COX10: variants seen among roughly 807,000 people sequenced by gnomAD.
COX10 encodes protoheme IX farnesyltransferase, mitochondrial.
COX10 carries 27 observed loss-of-function variants against 37.3 expected under a neutral mutation model. That is an observed-to-expected ratio of 0.72 (90% CI 0.53 to 1.00). The LOEUF (loss-of-function observed/expected upper bound fraction) is 1.00, where lower values mean the gene tolerates loss of function less well. COX10 is among the 50% of genes least tolerant of loss of function. The pLI, the probability that COX10 is intolerant of heterozygous loss-of-function variation, is 0.00. For missense variants in COX10, 475 were observed against 563.2 expected (o/e 0.84, Z 1.59); for synonymous variants, 222 against 229.1 (o/e 0.97, Z 0.28).
At chr17:14,121,304 GATA>G (rs893297903) in intron 4 of COX10, among the ~76,000 whole-genome samples, 1 of 152,144 alleles carries the variant, frequency 6.6e-6, no homozygotes, top group African/African-American at 2.4e-5. Flanking sequence ...GCAAGGAAAA[GATA>G]ATAATAAATT....
chr17:14,069,532 A>G lies in COX10; in HGVS notation c.-74A>G. 1.4e-5 allele frequency: 22 copies of G among 1,578,664 alleles called. No homozygotes were observed. The highest frequency in any genetic ancestry group is 1.8e-5 in the Non-Finnish European group (21 of 1,151,752). On this transcript the variant is annotated 5_prime_UTR_variant, in exon 1 of 7. Coordinates refer to ENST00000261643, the MANE Select transcript of COX10 (RefSeq NM_001303.4). ...ACTCCCACAGGGGGGCGGGGAAGGA[A>G]GATGGCGGCGCCCAGCGTCCCGTGA...
intron 5 of COX10, 67 bp from the exon 6 acceptor site, chr17:14,191,922 C>T (rs1906212519): frequency 6.4e-7 from 1 of 1,558,758 alleles, no homozygotes; most frequent in Non-Finnish European, 8.8e-7. Flanking sequence ...TTGTCAGTGC[C>T]GATTTTAGGT....
In COX10 at chr17:14,172,931, G is replaced by T. The variant is rs1788922808; in HGVS notation, c.695+12984G>T. 2.6e-5 allele frequency among the ~76,000 whole-genome samples: 4 copies of T among 152,056 alleles called. No homozygotes were observed. In the South Asian group the frequency reaches 8.3e-4, roughly 32 times the overall value. ...TGGTCTCAAACTCCTGGCCTCAAGT[G>T]ATCTTTCTGTCTTGGCCTCCCAAAG... On this transcript the variant is annotated intron_variant, in intron 5 of 6. Coordinates refer to ENST00000261643, the MANE Select transcript of COX10 (RefSeq NM_001303.4).
chr17:14,188,298 A>ATT (rs1906101135), intron 5 of COX10, among the ~76,000 whole-genome samples: 1 of 150,900 alleles, frequency 6.6e-6, no homozygotes, highest in African/African-American at 2.4e-5. Flanking sequence ...CTTTTTAGCC[A>ATT]TCTAAAGTTT....
chr17:14,108,069 C>G (rs1679030720), intron 4 of COX10, among the ~76,000 whole-genome samples: 1 of 152,130 alleles, frequency 6.6e-6, no homozygotes, highest in African/African-American at 2.4e-5. Context: ...ATATCTCTTT[C>G]CTAGAGAACT....
At chr17:14,161,167 A>G (rs987049481) in intron 5 of COX10, among the ~76,000 whole-genome samples, 1 of 152,142 alleles carries the variant, frequency 6.6e-6, no homozygotes, top group Non-Finnish European at 1.5e-5. Context: ...TGGAAGCACA[A>G]CCTGTTAGTA....
chr17:14,181,167 G>A (rs3020873), intron 5 of COX10, among the ~76,000 whole-genome samples: 1 of 152,214 alleles, frequency 6.6e-6, no homozygotes, highest in African/African-American at 2.4e-5. Flanking sequence ...GTAAGAGATG[G>A]CCATACAAAA....
chr17:14,141,733 A>T (rs981757255), intron 4 of COX10, among the ~76,000 whole-genome samples: 1 of 152,054 alleles, frequency 6.6e-6, no homozygotes, highest in East Asian at 1.9e-4. Context: ...TGCAGATTTC[A>T]TTATATTTAA....
intron 6 of COX10, among the ~76,000 whole-genome samples, chr17:14,199,830 A>G (rs1437685350): frequency 6.6e-6 from 1 of 152,166 alleles, no homozygotes; most frequent in Non-Finnish European, 1.5e-5. Flanking sequence ...TTGCCCCTCA[A>G]AAGAAAGGCT....
chr17:14,142,146 T>C lies in COX10; in HGVS notation c.625-17731T>C, dbSNP rs375766467. ...TGCCCTCCCACTAGCCAGAAACTAG[T>C]ATTCAAGACTCAAATCTAGTTAGTA... On this transcript the variant is annotated intron_variant, in intron 4 of 6. Coordinates refer to ENST00000261643, the MANE Select transcript of COX10 (RefSeq NM_001303.4). 5.3e-5 allele frequency among the ~76,000 whole-genome samples: 8 copies of C among 152,324 alleles called. No homozygotes were observed. The South Asian group carries it at 1.7e-3, about 32-fold the overall frequency.
At chr17:14,127,982 A>G (rs916033072) in intron 4 of COX10, among the ~76,000 whole-genome samples, 1 of 150,390 alleles carries the variant, frequency 6.6e-6, no homozygotes, top group African/African-American at 2.4e-5. Flanking sequence ...AAATTACAGC[A>G]TTGAACTTAG....
intron 1 of COX10, 79 bp downstream of exon 1, chr17:14,069,727 C>A (rs1914967860): frequency 6.3e-7 from 1 of 1,584,342 alleles, no homozygotes; most frequent in Admixed American, 1.7e-5. Flanking sequence ...TTCCGGCTGG[C>A]TGCAACCTTG....
intron 6 of COX10, among the ~76,000 whole-genome samples, chr17:14,204,856 C>CT (rs1348639081): frequency 1.3e-5 from 2 of 152,196 alleles, no homozygotes; most frequent in Admixed American, 1.3e-4. Context: ...AATCTCTGTA[C>CT]TTTGAGAGGC....
chr17:14,099,055 G>A (rs947614045), intron 3 of COX10, among the ~76,000 whole-genome samples: 1 of 152,060 alleles, frequency 6.6e-6, no homozygotes, highest in Non-Finnish European at 1.5e-5. Context: ...CTTCTGATTA[G>A]CCTCTCGTTT....
chr17:14,100,004 A>G (rs147781532), intron 3 of COX10, among the ~76,000 whole-genome samples: 2 of 152,154 alleles, frequency 1.3e-5, no homozygotes, highest in East Asian at 1.9e-4. Flanking sequence ...TTGTTGTTTT[A>G]TCTTCCTACC....
chr17:14,135,981 GA>G (rs1205848126), intron 4 of COX10, among the ~76,000 whole-genome samples: 1 of 151,828 alleles, frequency 6.6e-6, no homozygotes, highest in Admixed American at 6.6e-5. Context: ...TTTAAATAAT[GA>G]CAAAAGAAAT....
intron 5 of COX10, among the ~76,000 whole-genome samples, chr17:14,189,709 C>G (rs1906144163): frequency 6.6e-6 from 1 of 152,156 alleles, no homozygotes; most frequent in Non-Finnish European, 1.5e-5. Flanking sequence ...TATGCATTTT[C>G]CATGAACTTT....
At chr17:14,181,968 G>T in intron 5 of COX10, 1 of 983,838 alleles carries the variant, frequency 1.0e-6, no homozygotes, top group Non-Finnish European at 1.2e-6. Context: ...AATCTCAGTG[G>T]TCAGCAATGA....
chr17:14,125,659 A>G (rs1916328011), intron 4 of COX10, among the ~76,000 whole-genome samples: 1 of 152,112 alleles, frequency 6.6e-6, no homozygotes, highest in Non-Finnish European at 1.5e-5. Flanking sequence ...CTCAGAGAGG[A>G]CTTCACGGCT....
Sources: allele counts gnomAD v4.1 joint callset (sites outside exome capture counted in the v4.1 genomes callset), GRCh38; gene constraint gnomAD v4.1.1; transcripts MANE v1.5; gene names NCBI Gene and HGNC (gene_info 2026-07-23, HGNC 2026-07-21).